FRYL: variants seen among roughly 807,000 people sequenced by gnomAD.
The protein encoded by FRYL is FRY like transcription coactivator, also known as protein furry homolog-like.
FRYL carries 150 observed loss-of-function variants against 351.2 expected under a neutral mutation model. The ratio of observed to expected loss-of-function variants is 0.43; its 90% CI spans 0.37 to 0.49. The LOEUF (loss-of-function observed/expected upper bound fraction) is 0.49. Ranked by LOEUF, FRYL falls within the 20% of genes least tolerant of loss-of-function variation. FRYL has a pLI of 0.00. For missense variants in FRYL, 3,036 were observed against 3,619.3 expected (o/e 0.84, Z 4.13); for synonymous variants, 1,153 against 1,257.1 (o/e 0.92, Z 1.75).
intron 55 of FRYL, among the ~76,000 whole-genome samples, chr4:48,518,064 T>C (rs1377514345): frequency 1.3e-5 from 2 of 152,202 alleles, no homozygotes; most frequent in African/African-American, 4.8e-5. Context: ...TCCCTGTGGA[T>C]AGCCATTCTT....
intron 42 of FRYL, among the ~76,000 whole-genome samples, chr4:48,545,765 C>T (rs949960355): frequency 6.6e-6 from 1 of 152,044 alleles, no homozygotes; most frequent in African/African-American, 2.4e-5. Context: ...AAGAGTAGAC[C>T]ATAAATAAAT....
At chr4:48,674,326 C>A (rs1763195941) in intron 3 of FRYL, among the ~76,000 whole-genome samples, 1 of 151,964 alleles carries the variant, frequency 6.6e-6, no homozygotes, top group African/African-American at 2.4e-5. Flanking sequence ...TGAAACCAGT[C>A]TTGGATCACA....
At chr4:48,646,296 G>A (rs1756460570) in intron 3 of FRYL, among the ~76,000 whole-genome samples, 1 of 152,148 alleles carries the variant, frequency 6.6e-6, no homozygotes. Flanking sequence ...CTTCTGGGAA[G>A]AACAGGTCTG....
At chr4:48,752,404 C>T (rs1031287704) in intron 1 of FRYL, among the ~76,000 whole-genome samples, 2 of 152,258 alleles carry the variant, frequency 1.3e-5, no homozygotes, top group African/African-American at 2.4e-5. Context: ...AGTATAATCA[C>T]AATCTGATAG....
chr4:48,629,651 G>C (rs75962928), intron 4 of FRYL, among the ~76,000 whole-genome samples: 7 of 152,180 alleles, frequency 4.6e-5, no homozygotes, highest in African/African-American at 1.7e-4. Flanking sequence ...AGTTGGAATG[G>C]GGACTGAAAT....
At chr4:48,585,785 G>A (rs555167774) in intron 19 of FRYL, among the ~76,000 whole-genome samples, 2 of 152,326 alleles carry the variant, frequency 1.3e-5, no homozygotes, top group Admixed American at 6.5e-5. Flanking sequence ...TCAGTGCAAT[G>A]AGGATATCTA....
intron 7 of FRYL, among the ~76,000 whole-genome samples, chr4:48,616,090 G>A (rs1444604629): frequency 1.3e-5 from 2 of 152,056 alleles, no homozygotes; most frequent in Middle Eastern, 3.2e-3. Context: ...CTAGGGGAGG[G>A]ACGGCATTAG....
chr4:48,616,661 A>C (rs1749522886), intron 7 of FRYL, among the ~76,000 whole-genome samples: 1 of 152,236 alleles, frequency 6.6e-6, no homozygotes. Context: ...TGATTATTAC[A>C]GACAAAACAA....
rs1725239738 is a variant in FRYL, at chr4:48,523,017, A to G, written c.7405T>C (p.Tyr2469His). 6.2e-7 allele frequency: 1 copy of G among 1,613,482 alleles called. No individual in the cohort carries two copies. Among genetic ancestry groups the G allele is most frequent in the African/African-American group, 1.3e-5 (1 of 74,822 alleles). Residue 2469 changes from tyrosine (Y) to histidine (H), a missense_variant, in exon 54 of 64, where the codon TAC becomes CAC. Tyr to His is a moderately conservative substitution (Grantham distance 83, BLOSUM62 2). Coordinates refer to ENST00000358350, the MANE Select transcript of FRYL (RefSeq NM_015030.2). ...DKGDTPSLQE[Y>H]QCSSSTPSLN... ...CTGGGGGTGCTACTAGAGCACTGGT[A>G]CTCCTGGAGGGATGGAGTGTCCCCT...
chr4:48,565,731 C>T, intron 28 of FRYL, 40 bp from the exon 29 acceptor site: 3 of 1,573,626 alleles, frequency 1.9e-6, no homozygotes, highest in Non-Finnish European at 2.6e-6. Context: ...ATTTCCATTT[C>T]TTTTTGCTTT....
rs376217134 is a variant in FRYL, at chr4:48,599,967, G to A, written c.1035+2053C>T. ...TACTAAAAATAAAAAATCAGCCGGCGGTGGTGGCAGATGCCTGTAATCCCA... is the reference window on the plus strand; with the variant it reads ...TACTAAAAATAAAAAATCAGCCGGCAGTGGTGGCAGATGCCTGTAATCCCA... On this transcript the variant is annotated intron_variant, in intron 13 of 63. Coordinates refer to ENST00000358350, the MANE Select transcript of FRYL (RefSeq NM_015030.2). Among the ~76,000 whole-genome samples, 3 of 151,894 alleles carry A rather than the reference G, an allele frequency of 2.0e-5. 1 individual carries two copies. The East Asian group carries it at 5.8e-4, about 29-fold the overall frequency.
rs1157305218 is a variant in FRYL at position 48,535,845 on chromosome 4, T to A, written c.6394-18A>T. ...GCACAAACCTAGAAAACAAATAAAA[T>A]TATTTCATTCACCTAAAATAAAGAC... On this transcript the variant is annotated intron_variant, in intron 47 of 63. Coordinates refer to ENST00000358350, the MANE Select transcript of FRYL (RefSeq NM_015030.2). The A allele has an allele frequency of 6.8e-7, 1 of 1,474,964 alleles. No individual in the cohort carries two copies. Among genetic ancestry groups the A allele is most frequent in the Non-Finnish European group, 9.1e-7 (1 of 1,104,344 alleles). The allele number at this position is 1,474,964 out of a possible 1,614,324, so 91.4% of individuals were successfully genotyped here. A position where few individuals can be genotyped will look rare whatever the true frequency, so the allele number is the denominator to read the frequency against.
rs878894441 is a variant in FRYL, at chr4:48,498,604, C to T, written c.*818G>A. The T allele has an allele frequency of 2.0e-5, 3 of 152,586 alleles. No individual in the cohort carries two copies. The highest frequency in any genetic ancestry group is 4.4e-5 in the Non-Finnish European group (3 of 68,038). 9.5% of individuals were successfully genotyped at this position (152,586 alleles called of 1,614,324 possible). On this transcript the variant is annotated 3_prime_UTR_variant, in exon 64 of 64. Coordinates refer to ENST00000358350, the MANE Select transcript of FRYL (RefSeq NM_015030.2). ...AGAGAACTGAGCAGCATTCCAATAA[C>T]GTTAACAGATATATTATTTCTTTTT...
In FRYL at chr4:48,556,998, C is replaced by A; in HGVS notation, c.4246G>T (p.Glu1416Ter). 6.3e-7 allele frequency: 1 copy of A among 1,597,644 alleles called. No individual in the cohort carries two copies. Among genetic ancestry groups the A allele is most frequent in the South Asian group, 1.1e-5 (1 of 88,626 alleles). ...FLISICGVNS[E>*]PSLLPYVKKV... ...CATACGTAAGGCAAGAGGCTTGGTT[C>A]GCTATTCACCCCACAAATGCTGATC... Residue 1416 changes from glutamate (E) to a stop codon, truncating the protein, a stop_gained, in exon 35 of 64, where the codon GAA (glutamate) becomes TAA (stop). Coordinates refer to ENST00000358350, the MANE Select transcript of FRYL (RefSeq NM_015030.2). LOFTEE classifies it high-confidence loss of function.
rs759738242 is a variant in FRYL at position 48,546,200 on chromosome 4, T to C, written c.5146A>G (p.Thr1716Ala). The change falls in exon 42 of 64, where the codon ACC (threonine) becomes GCC (alanine). Residue 1716 changes from threonine to alanine, a missense_variant. Thr to Ala is a moderately conservative substitution (Grantham distance 58). This residue lies in a region of FRYL where 1,987 missense variants were observed against 2,311.7 expected (regional missense o/e 0.86). Coordinates refer to ENST00000358350, the MANE Select transcript of FRYL (RefSeq NM_015030.2). ...MTDSGLSSSS[T>A]SSSISLGNNS... The stretch of plus-strand genomic sequence containing the variant: ...TTTCCTAAGCTGATACTAGAAGAGG[T>C]AGAACTTGAGCTAAGCCCTGAGTCA... 1.2e-6 allele frequency: 2 copies of C among 1,613,618 alleles called. No individual in the cohort carries two copies. The highest frequency in any genetic ancestry group is 1.7e-6 in the Non-Finnish European group (2 of 1,179,794).
intron 33 of FRYL, among the ~76,000 whole-genome samples, 186 bp downstream of exon 33, chr4:48,561,282 T>C (rs1224918183): frequency 6.6e-6 from 1 of 152,186 alleles, no homozygotes; most frequent in African/African-American, 2.4e-5. Context: ...ACGCCGTTGA[T>C]AGAAAAACCT....
intron 3 of FRYL, among the ~76,000 whole-genome samples, chr4:48,651,288 A>T (rs1366856328): frequency 3.0e-4 from 13 of 43,954 alleles, no homozygotes; most frequent in East Asian, 2.0e-3. Context: ...TCAGGATCTC[A>T]CTGTGTGTGT....
chr4:48,544,712 T>C (rs1349017604), intron 43 of FRYL, 71 bp downstream of exon 43: 2 of 1,322,244 alleles, frequency 1.5e-6, no homozygotes. Context: ...TATTAACTTT[T>C]TGCTAAGCAT....
chr4:48,767,075 C>T (rs1308621443), intron 1 of FRYL, among the ~76,000 whole-genome samples: 17 of 150,408 alleles, frequency 1.1e-4, no homozygotes, highest in Non-Finnish European at 2.4e-4. Flanking sequence ...TTAGTCTGTT[C>T]TCACACTGCT....
Sources: gnomAD v4.1 joint callset for allele counts (sites outside exome capture counted in the v4.1 genomes callset) on GRCh38, gnomAD v4.1.1 for gene constraint, gnomAD v4.1.1 regional missense constraint, MANE v1.5 for transcripts, NCBI Gene and HGNC (gene_info 2026-07-23, HGNC 2026-07-21) for gene names.